The following PCDH15 variants were observed in gnomAD, a reference collection of about 807,000 sequenced individuals.
The protein encoded by PCDH15 is protocadherin related 15.
In PCDH15, 129 loss-of-function variants were observed where a neutral mutation model predicts 178.5. The ratio of observed to expected loss-of-function variants is 0.72; its 90% confidence interval spans 0.63 to 0.84. PCDH15 has a LOEUF of 0.84. Ranked by LOEUF, PCDH15 falls within the 40% of genes least tolerant of loss-of-function variation. PCDH15 has a pLI of 0.00. For missense variants in PCDH15, 2,230 were observed against 2,099.9 expected, an observed-to-expected ratio of 1.06 and a Z score of -1.21; for synonymous variants, 800 against 732.0, an observed-to-expected ratio of 1.09 and a Z score of -1.50.
intron 15 of PCDH15, among the ~76,000 whole-genome samples, chr10:54,100,394 T>C (rs1402612532): frequency 6.6e-6 from 1 of 151,652 alleles, no homozygotes; most frequent in Non-Finnish European, 1.5e-5. Flanking sequence ...GCTCAATAAA[T>C]TAATTTAATA....
chr10:53,941,826 G>T (rs949563479), intron 23 of PCDH15, among the ~76,000 whole-genome samples: 9 of 152,184 alleles, frequency 5.9e-5, no homozygotes, highest in Non-Finnish European at 1.2e-4. Context: ...AGCTTTTGGT[G>T]CTGTCAATAG....
intron 2 of PCDH15, among the ~76,000 whole-genome samples, chr10:55,620,995 A>C (rs568206279): frequency 2.0e-5 from 3 of 151,810 alleles, no homozygotes; most frequent in Non-Finnish European, 4.4e-5. Flanking sequence ...TACATAATGC[A>C]TTAGTAAAAA....
intron 6 of PCDH15, among the ~76,000 whole-genome samples, chr10:54,335,733 C>T (rs1940963082): frequency 6.6e-6 from 1 of 152,074 alleles, no homozygotes; most frequent in East Asian, 1.9e-4. Context: ...TACCCAGTCT[C>T]ACGTATGTCT....
rs2077229299 is a variant in PCDH15 at position 53,835,079 on chromosome 10, A to G, written c.3984-3546T>C. On this transcript the variant is annotated intron_variant, in intron 29 of 37. Transcript: ENST00000644397. Reference sequence around the variant, plus strand: ...TCAACTATTTTCTTTTCACAGTTTCATAACTGTTTAACTAGATTCTAATAA... The same window carrying G: ...TCAACTATTTTCTTTTCACAGTTTCGTAACTGTTTAACTAGATTCTAATAA... 2.0e-5 allele frequency among the ~76,000 whole-genome samples: 3 copies of G among 152,174 alleles called. No homozygotes were observed. In the South Asian group the frequency reaches 6.2e-4, roughly 31 times the overall value.
chr10:55,565,049 G>A (rs1250899028), intron 2 of PCDH15, among the ~76,000 whole-genome samples: 1 of 151,642 alleles, frequency 6.6e-6, no homozygotes, highest in Non-Finnish European at 1.5e-5. Context: ...AACAGAATAT[G>A]CATTCTTCTC....
chr10:54,378,847 C>T lies in PCDH15; in HGVS notation c.253G>A (p.Val85Met). ...LSLKDNVDYW[V>M]LMDPVKQMLF... ...ATTTGCTTAACAGGATCCATCAACA[C>T]CCAGTAATCCACATTATCCTTTAAA... The change falls in exon 4 of 38, where the codon GTG becomes ATG. Residue 85 changes from valine to methionine, a missense_variant. Transcript: ENST00000644397. 4 of 1,613,880 alleles carry T rather than the reference C, an allele frequency of 2.5e-6. No homozygotes were observed. Among genetic ancestry groups the T allele is most frequent in the Non-Finnish European group, 3.4e-6 (4 of 1,179,872 alleles).
chr10:54,096,973 C>G (rs2094711495), intron 15 of PCDH15, among the ~76,000 whole-genome samples: 1 of 152,116 alleles, frequency 6.6e-6, no homozygotes, highest in Non-Finnish European at 1.5e-5. Flanking sequence ...TAACTTCTAT[C>G]TCCCCTTCTA....
chr10:54,680,641 T>A (rs991737946), intron 1 of PCDH15, among the ~76,000 whole-genome samples: 1 of 152,044 alleles, frequency 6.6e-6, no homozygotes, highest in African/African-American at 2.4e-5. Flanking sequence ...CACGGGGCAT[T>A]TTCCCCCATA....
intron 2 of PCDH15, among the ~76,000 whole-genome samples, chr10:55,585,081 G>A (rs1396265787): frequency 1.3e-5 from 2 of 151,326 alleles, no homozygotes; most frequent in Non-Finnish European, 2.9e-5. Context: ...TTCCTTATAT[G>A]TATATTTATG....
At chr10:55,109,916 G>A (rs1012238845) in intron 2 of PCDH15, among the ~76,000 whole-genome samples, 4 of 151,550 alleles carry the variant, frequency 2.6e-5, no homozygotes, top group African/African-American at 9.7e-5. Context: ...CAAATAAGCA[G>A]AAGAAAAATA....
intron 25 of PCDH15, among the ~76,000 whole-genome samples, chr10:53,927,168 G>GTT (rs1214926548): frequency 6.6e-6 from 1 of 151,908 alleles, no homozygotes; most frequent in Non-Finnish European, 1.5e-5. Flanking sequence ...GTGTGTGTGT[G>GTT]TGTGAATGTT....
At chr10:53,875,933 A>G (rs1244224191) in intron 26 of PCDH15, among the ~76,000 whole-genome samples, 2 of 152,166 alleles carry the variant, frequency 1.3e-5, no homozygotes, top group Non-Finnish European at 2.9e-5. Context: ...TGATGTCCTA[A>G]GAACTTTCAA....
rs574113604 is a variant in PCDH15 at position 54,015,205 on chromosome 10, T to C, written c.2751+4987A>G. Among the ~76,000 whole-genome samples the C allele has an allele frequency of 2.6e-5, 4 of 151,956 alleles. No homozygotes were observed. In the East Asian group the frequency reaches 7.8e-4, roughly 29 times the overall value. On this transcript the variant is annotated intron_variant, in intron 20 of 37. Transcript: ENST00000644397. ...CCTAGGAATACAACTAACCAGGTGG[T>C]GAAAAATCTCTACAATGAGAATTTA... is the stretch of plus-strand genomic sequence containing the variant.
chr10:54,310,266 A>G (rs2060823082), intron 8 of PCDH15, among the ~76,000 whole-genome samples: 1 of 152,226 alleles, frequency 6.6e-6, no homozygotes, highest in East Asian at 1.9e-4. Flanking sequence ...AAATCAGATC[A>G]GCATTGTATT....
chr10:54,930,378 C>A (rs890074131), intron 2 of PCDH15, among the ~76,000 whole-genome samples: 7 of 152,132 alleles, frequency 4.6e-5, no homozygotes, highest in Admixed American at 1.3e-4. Flanking sequence ...CTCTCTTTCG[C>A]AGGAGACAGA....
chr10:54,995,299 C>T (rs886935961), intron 2 of PCDH15, among the ~76,000 whole-genome samples: 7 of 150,514 alleles, frequency 4.7e-5, no homozygotes, highest in African/African-American at 1.7e-4. Flanking sequence ...TGGCGTGAAC[C>T]CGGGAGTCGG....
chr10:54,021,886 G>T (rs2092931137), intron 19 of PCDH15, among the ~76,000 whole-genome samples: 1 of 151,790 alleles, frequency 6.6e-6, no homozygotes. Context: ...AGGAGACTTG[G>T]CATACTATAC....
intron 6 of PCDH15, among the ~76,000 whole-genome samples, chr10:54,339,436 C>T (rs1422301680): frequency 6.6e-6 from 1 of 151,970 alleles, no homozygotes; most frequent in Non-Finnish European, 1.5e-5. Flanking sequence ...ATTAAATGCC[C>T]CTAATTAAAG....
chr10:53,917,361 T>C (rs2083612020), intron 25 of PCDH15, among the ~76,000 whole-genome samples: 1 of 152,144 alleles, frequency 6.6e-6, no homozygotes. Context: ...AAATGACCTC[T>C]GAATTCTTTG....
Sources: allele counts gnomAD v4.1 joint callset (sites outside exome capture counted in the v4.1 genomes callset), GRCh38; gene constraint gnomAD v4.1.1; transcripts MANE v1.5; gene names NCBI Gene and HGNC (gene_info 2026-07-23, HGNC 2026-07-21).